The following PEX7 variants were observed in gnomAD, a reference collection of about 807,000 sequenced individuals.
The protein encoded by PEX7 is peroxisomal biogenesis factor 7, also known as PTS2 receptor.
Under a neutral mutation model 47.5 loss-of-function variants are expected in PEX7, and 34 were observed. That is an observed-to-expected ratio of 0.72 (90% CI 0.54 to 0.95). The LOEUF is 0.95. Among genes scored for constraint, PEX7 ranks in the 40% least tolerant of loss-of-function variants. PEX7 has a pLI of 0.00. For missense variants in PEX7, 394 were observed against 400.3 expected, an observed-to-expected ratio of 0.98 and a Z score of 0.13; for synonymous variants, 141 against 148.8, an observed-to-expected ratio of 0.95 and a Z score of 0.38.
intron 5 of PEX7, among the ~76,000 whole-genome samples, chr6:136,854,176 C>T (rs1368645685): frequency 1.3e-5 from 2 of 152,060 alleles, no homozygotes; most frequent in Non-Finnish European, 2.9e-5. Context: ...ACATGTATAA[C>T]TTGAGTTAAT....
chr6:136,826,571 T>G (rs1774197223), intron 3 of PEX7, 102 bp downstream of exon 3: 3 of 1,355,908 alleles, frequency 2.2e-6, no homozygotes, highest in Non-Finnish European at 3.1e-6. Flanking sequence ...AGGGGACAAG[T>G]TTAAACGTTA....
intron 8 of PEX7, 86 bp downstream of exon 8, chr6:136,872,339 TCTTA>T: frequency 1.1e-6 from 1 of 946,206 alleles, no homozygotes; most frequent in Non-Finnish European, 1.7e-6. Flanking sequence ...ATATGATTAC[TCTTA>T]CTAACATGAA....
At chr6:136,888,962 T>A (rs1041065019) in intron 8 of PEX7, among the ~76,000 whole-genome samples, 2 of 152,174 alleles carry the variant, frequency 1.3e-5, no homozygotes, top group Non-Finnish European at 2.9e-5. Context: ...TTTAGCACAT[T>A]TGGGACCATC....
rs1775471720 is a variant in PEX7 at position 136,886,654 on chromosome 6, T to C, written c.804-11488T>C. ...TTGTGAATAGGAATTTTCATTGCAC[T>C]GTGAAGGTGAAGTAGGAGAGTGAAC... is the stretch of plus-strand genomic sequence containing the variant. On this transcript the variant is annotated intron_variant, in intron 8 of 9. Transcript: ENST00000318471. Among the ~76,000 whole-genome samples, 9 of 152,284 alleles carry C rather than the reference T, an allele frequency of 5.9e-5. No homozygotes were observed. In the South Asian group the frequency reaches 1.9e-3, roughly 32 times the overall value.
At chr6:136,879,647 G>A (rs1026227220) in intron 8 of PEX7, among the ~76,000 whole-genome samples, 3 of 151,740 alleles carry the variant, frequency 2.0e-5, no homozygotes, top group Non-Finnish European at 4.4e-5. Flanking sequence ...ATATAGATTT[G>A]GGTCTTCTTT....
At chr6:136,837,485 T>A (rs1475575606) in intron 3 of PEX7, among the ~76,000 whole-genome samples, 1 of 152,180 alleles carries the variant, frequency 6.6e-6, no homozygotes, top group Non-Finnish European at 1.5e-5. Context: ...TATTTTTCTC[T>A]GTCTAAAAAA....
intron 7 of PEX7, among the ~76,000 whole-genome samples, chr6:136,871,656 T>G (rs1056586922): frequency 6.6e-6 from 1 of 152,174 alleles, no homozygotes; most frequent in Non-Finnish European, 1.5e-5. Context: ...CCTTCTGGGT[T>G]AAAGCAATTC....
At chr6:136,856,882 C>T (rs527706312) in intron 5 of PEX7, among the ~76,000 whole-genome samples, 1 of 152,026 alleles carries the variant, frequency 6.6e-6, no homozygotes, top group African/African-American at 2.4e-5. Flanking sequence ...AACATATGTT[C>T]TTCAAAAACT....
intron 5 of PEX7, chr6:136,855,915 T>C (rs1017813707): frequency 4.7e-6 from 1 of 212,398 alleles, no homozygotes; most frequent in African/African-American, 2.4e-5. Flanking sequence ...CTAATACAGC[T>C]GCATTTTTTG....
intron 5 of PEX7, among the ~76,000 whole-genome samples, chr6:136,855,020 G>A (rs909239899): frequency 2.0e-5 from 3 of 151,892 alleles, no homozygotes; most frequent in Non-Finnish European, 4.4e-5. Context: ...CACGGGAAGT[G>A]GAGATTGCAG....
intron 8 of PEX7, among the ~76,000 whole-genome samples, chr6:136,876,549 C>G (rs1692406208): frequency 6.6e-6 from 1 of 152,128 alleles, no homozygotes; most frequent in Admixed American, 6.5e-5. Flanking sequence ...TCCATGTGAT[C>G]TCGTTGTTCA....
At chr6:136,891,235 G>A (rs76021909) in intron 8 of PEX7, among the ~76,000 whole-genome samples, 2,553 of 152,114 alleles carry the variant, frequency 0.017, 63 homozygotes, top group African/African-American at 0.058. Flanking sequence ...TGTGGTTCCC[G>A]GGCTTAATGT....
rs145152315 is a variant in PEX7 at position 136,834,215 on chromosome 6, TG to T, written c.339+7748del. ...TTTTTGTTTTGTTTTTATCTTGAGA[TG>T]GAGTCTCACTCTGTTGCCCAGGCAG... On this transcript the variant is annotated intron_variant, in intron 3 of 9. Coordinates refer to ENST00000318471, the MANE Select transcript of PEX7 (RefSeq NM_000288.4). Among the ~76,000 whole-genome samples the T allele has an allele frequency of 3.9e-3, 589 of 152,338 alleles. 16 individuals are homozygous for T. In the South Asian group the frequency reaches 0.057, roughly 15 times the overall value.
intron 3 of PEX7, among the ~76,000 whole-genome samples, chr6:136,832,644 G>A (rs1774315217): frequency 6.6e-6 from 1 of 152,160 alleles, no homozygotes; most frequent in African/African-American, 2.4e-5. Context: ...GAATGCATGT[G>A]ACTATACACT....
At chr6:136,843,122 A>G (rs527784704) in intron 3 of PEX7, among the ~76,000 whole-genome samples, 167 of 152,310 alleles carry the variant, frequency 1.1e-3, no homozygotes, top group African/African-American at 3.9e-3. Context: ...ATAGCCTCAC[A>G]TTGCGATTAA....
At chr6:136,899,082 T>TTC (rs1313552654) in intron 9 of PEX7, among the ~76,000 whole-genome samples, 10 of 139,740 alleles carry the variant, frequency 7.2e-5, no homozygotes, top group South Asian at 2.4e-4. Context: ...TTTCTTTTCT[T>TTC]TTTTTTTTTT....
At chr6:136,884,906 T>C (rs1261412492) in intron 8 of PEX7, among the ~76,000 whole-genome samples, 1 of 152,222 alleles carries the variant, frequency 6.6e-6, no homozygotes, top group African/African-American at 2.4e-5. Context: ...AAATGTTTCA[T>C]AGTAGATTAT....
intron 3 of PEX7, among the ~76,000 whole-genome samples, chr6:136,842,040 C>T (rs1323217687): frequency 6.6e-6 from 1 of 151,040 alleles, no homozygotes; most frequent in Non-Finnish European, 1.5e-5. Context: ...ACTCTGTCAC[C>T]CAGCTTAAAG....
chr6:136,853,431 C>A (rs1774796747), intron 5 of PEX7, among the ~76,000 whole-genome samples: 1 of 151,576 alleles, frequency 6.6e-6, no homozygotes, highest in South Asian at 2.1e-4. Context: ...AGTTATGCAG[C>A]ATCCAAAGAT....
Sources: gnomAD v4.1 joint callset for allele counts (sites outside exome capture counted in the v4.1 genomes callset) on GRCh38, gnomAD v4.1.1 for gene constraint, MANE v1.5 for transcripts, NCBI Gene and HGNC (gene_info 2026-07-23, HGNC 2026-07-21) for gene names.